SLC24A2: variants seen among roughly 807,000 people sequenced by gnomAD.
The protein encoded by SLC24A2 is solute carrier family 24 member 2.
SLC24A2 carries 36 observed loss-of-function variants against 62.0 expected under a neutral mutation model. The ratio of observed to expected loss-of-function variants is 0.58; its 90% confidence interval spans 0.44 to 0.77. The LOEUF is 0.77. Ranked by LOEUF, SLC24A2 falls within the 30% of genes least tolerant of loss-of-function variation. SLC24A2 has a pLI of 0.00. For synonymous variants in SLC24A2, 358 were observed against 294.0 expected, an observed-to-expected ratio of 1.22 and a Z score of -2.23; for missense variants, 846 against 817.9, an observed-to-expected ratio of 1.03 and a Z score of -0.42.
At chr9:20,143,888 A>G in the SLC24A2 span, among the ~76,000 whole-genome samples, 1 of 152,236 alleles carries the variant, frequency 6.6e-6, no homozygotes, top group Non-Finnish European at 1.5e-5. Flanking sequence ...CGTTATCATA[A>G]CATCTAGAAT....
At position 19,515,098 on chromosome 9, in the gene SLC24A2, C is replaced by A. The variant is rs1832874027; in HGVS notation, c.*1055G>T. 1 of 152,168 alleles carries A rather than the reference C, an allele frequency of 6.6e-6. No individual in the cohort carries two copies. Among genetic ancestry groups the A allele is most frequent in the African/African-American group, 2.4e-5 (1 of 41,418 alleles). The allele number at this position is 152,168 out of a possible 1,614,324, so 9.4% of individuals were successfully genotyped here. On this transcript the variant is annotated 3_prime_UTR_variant, in exon 11 of 11. Coordinates refer to ENST00000341998, the MANE Select transcript of SLC24A2 (RefSeq NM_020344.4). ...TCAAAATATATCTACATGACAATCA[C>A]AGCTAAACTTACCCCTCTTCTTTTG... is the stretch of plus-strand genomic sequence containing the variant.
At chr9:20,056,395 G>A in the SLC24A2 span, among the ~76,000 whole-genome samples, 1 of 152,140 alleles carries the variant, frequency 6.6e-6, no homozygotes, top group Non-Finnish European at 1.5e-5. Context: ...GATGTGGGAT[G>A]GGAGATATCA....
At chr9:19,867,015 A>C in the SLC24A2 span, among the ~76,000 whole-genome samples, 1 of 152,144 alleles carries the variant, frequency 6.6e-6, no homozygotes, top group African/African-American at 2.4e-5. Context: ...CAGGGTGACC[A>C]TGGTCAATAA....
At chr9:19,727,578 G>T (rs1018234968) in intron 2 of SLC24A2, among the ~76,000 whole-genome samples, 6 of 152,182 alleles carry the variant, frequency 3.9e-5, no homozygotes, top group Admixed American at 3.3e-4. Flanking sequence ...ACAATGACTA[G>T]CATGTGGCAG....
At chr9:19,642,090 G>A (rs541689418) in intron 2 of SLC24A2, among the ~76,000 whole-genome samples, 42 of 152,242 alleles carry the variant, frequency 2.8e-4, no homozygotes, top group Non-Finnish European at 5.3e-4. Context: ...AAATTCCCAG[G>A]TCAGGGTATA....
At chr9:19,911,745 T>A in the SLC24A2 span, among the ~76,000 whole-genome samples, 2 of 152,180 alleles carry the variant, frequency 1.3e-5, no homozygotes, top group African/African-American at 4.8e-5. Context: ...ACTCAGCCTG[T>A]CCTATGGTAG....
At chr9:20,270,446 C>A in the SLC24A2 span, among the ~76,000 whole-genome samples, 16,048 of 152,148 alleles carry the variant, frequency 0.11, 1,778 homozygotes, top group East Asian at 0.51. Context: ...TGTTACTCAG[C>A]CTCTCCATCC....
chr9:20,053,023 G>C, the SLC24A2 span, among the ~76,000 whole-genome samples: 10 of 152,118 alleles, frequency 6.6e-5, no homozygotes, highest in Non-Finnish European at 1.5e-4. Flanking sequence ...CTCAGTATTT[G>C]GGTTTCATTG....
intron 2 of SLC24A2, among the ~76,000 whole-genome samples, chr9:19,755,492 C>T (rs1161021029): frequency 3.3e-5 from 5 of 152,096 alleles, no homozygotes; most frequent in African/African-American, 7.2e-5. Context: ...TTGTATCTAC[C>T]GTACTGTGTT....
At chr9:19,597,111 A>G (rs758397054) in intron 5 of SLC24A2, 118 bp downstream of exon 5, 4 of 737,040 alleles carry the variant, frequency 5.4e-6, no homozygotes, top group African/African-American at 1.8e-5. Flanking sequence ...AAAGAATAGT[A>G]AGTCACACAA....
At chr9:19,874,431 AG>A in the SLC24A2 span, among the ~76,000 whole-genome samples, 250 of 152,336 alleles carry the variant, frequency 1.6e-3, 2 homozygotes, top group African/African-American at 5.8e-3. Flanking sequence ...TTGCTAGAAA[AG>A]TCCAAAAATT....
At chr9:20,222,235 A>G in the SLC24A2 span, among the ~76,000 whole-genome samples, 2 of 152,012 alleles carry the variant, frequency 1.3e-5, no homozygotes, top group African/African-American at 4.8e-5. Flanking sequence ...GAAGGAGAAA[A>G]GAATGTAGAA....
the SLC24A2 span, among the ~76,000 whole-genome samples, chr9:19,827,054 T>C: frequency 3.3e-3 from 504 of 152,300 alleles, 2 homozygotes; most frequent in African/African-American, 0.012. Flanking sequence ...ACACTCTTGC[T>C]TCCCACACAC....
chr9:19,715,267 T>G (rs1820826355), intron 2 of SLC24A2, among the ~76,000 whole-genome samples: 1 of 152,194 alleles, frequency 6.6e-6, no homozygotes, highest in Non-Finnish European at 1.5e-5. Context: ...TGTATTTTCT[T>G]TTATAATATT....
the SLC24A2 span, among the ~76,000 whole-genome samples, chr9:19,834,468 G>T: frequency 6.6e-6 from 1 of 152,062 alleles, no homozygotes; most frequent in South Asian, 2.1e-4. Context: ...TGGAAGACAG[G>T]GTATCAGCGA....
chr9:20,029,656 T>C, the SLC24A2 span, among the ~76,000 whole-genome samples: 636 of 152,316 alleles, frequency 4.2e-3, 4 homozygotes, highest in Non-Finnish European at 6.9e-3. Context: ...ACATAGATTA[T>C]TGCATTTAAC....
rs567086890 is a variant in SLC24A2, at chr9:19,632,665, C to T, written c.931-10366G>A. Among the ~76,000 whole-genome samples, 10 of 152,290 alleles carry T rather than the reference C, an allele frequency of 6.6e-5. No homozygotes were observed. In the East Asian group the frequency reaches 1.9e-3, roughly 29 times the overall value. ...TTATTTGGAAATAATTATAGATTCA[C>T]AAATAGTTGCAAAAATATGTATAGG... is the stretch of plus-strand genomic sequence containing the variant. On this transcript the variant is annotated intron_variant, in intron 2 of 10. Coordinates refer to ENST00000341998, the MANE Select transcript of SLC24A2 (RefSeq NM_020344.4). The surrounding 1 kb of genome is among the most constrained non-coding windows in gnomAD (Gnocchi z 4.5).
chr9:19,621,155 T>TG (rs1277235187), intron 3 of SLC24A2, among the ~76,000 whole-genome samples: 1 of 152,256 alleles, frequency 6.6e-6, no homozygotes, highest in African/African-American at 2.4e-5. Context: ...TTAACAATCA[T>TG]GGTCCACACA....
At chr9:20,208,711 T>G in the SLC24A2 span, among the ~76,000 whole-genome samples, 3 of 151,916 alleles carry the variant, frequency 2.0e-5, no homozygotes, top group African/African-American at 7.3e-5. Context: ...CCAGAACGAG[T>G]AGATAGACCC....
Sources: gnomAD v4.1 joint callset for allele counts (sites outside exome capture counted in the v4.1 genomes callset) on GRCh38, gnomAD v4.1.1 for gene constraint, Gnocchi (gnomAD v3.1) non-coding constraint, MANE v1.5 for transcripts, NCBI Gene and HGNC (gene_info 2026-07-23, HGNC 2026-07-21) for gene names.